The following EYA1 variants were observed in gnomAD, a reference collection of about 807,000 sequenced individuals.
The protein encoded by EYA1 is protein phosphatase EYA1.
EYA1 carries 16 observed loss-of-function variants against 82.0 expected under a neutral mutation model. The observed-to-expected ratio is 0.20, with a 90% CI of 0.13 to 0.30. EYA1 has a LOEUF of 0.30. Among genes scored for constraint, EYA1 ranks in the 10% least tolerant of loss-of-function variants. The pLI, the probability that EYA1 is intolerant of heterozygous loss-of-function variation, is 1.00. For missense variants in EYA1, 633 were observed against 730.7 expected, an observed-to-expected ratio of 0.87 and a Z score of 1.54; for synonymous variants, 261 against 264.4, an observed-to-expected ratio of 0.99 and a Z score of 0.12.
chr8:71,382,165 A>G (rs80113578), intron 2 of EYA1, among the ~76,000 whole-genome samples: 4,449 of 152,310 alleles, frequency 0.029, 202 homozygotes, highest in African/African-American at 0.1. Flanking sequence ...CATAATATTT[A>G]TAAAGGGATC....
chr8:71,452,620 C>T (rs1170412744), intron 2 of EYA1, among the ~76,000 whole-genome samples: 3 of 152,200 alleles, frequency 2.0e-5, no homozygotes, highest in Admixed American at 6.5e-5. Context: ...GCAATATTCG[C>T]TGTTCTGCAG....
chr8:71,383,094 A>AT (rs5892276), intron 2 of EYA1, among the ~76,000 whole-genome samples: 99,052 of 149,754 alleles, frequency 0.66, 32,877 homozygotes, highest in East Asian at 0.82. Flanking sequence ...AACAGCACCT[A>AT]TTTTTTTTTT....
intron 9 of EYA1, among the ~76,000 whole-genome samples, chr8:71,288,595 G>T (rs1818650310): frequency 6.6e-6 from 1 of 152,226 alleles, no homozygotes; most frequent in African/African-American, 2.4e-5. Flanking sequence ...TCCTGCTAAG[G>T]TTACGCAAGT....
intron 2 of EYA1, among the ~76,000 whole-genome samples, chr8:71,448,008 GC>G (rs1003272678): frequency 2.6e-5 from 2 of 77,582 alleles, no homozygotes; most frequent in African/African-American, 7.0e-5. Flanking sequence ...CTGTTTAAGA[GC>G]TTTTTTTTTT....
chr8:71,204,047 A>C (rs557079254), intron 17 of EYA1: 86 of 152,312 alleles, frequency 5.6e-4, no homozygotes, highest in African/African-American at 2.0e-3. Flanking sequence ...AAACAGAGCT[A>C]CCCACAAATC....
intron 2 of EYA1, among the ~76,000 whole-genome samples, chr8:71,473,751 G>A (rs936614309): frequency 1.3e-5 from 2 of 152,144 alleles, no homozygotes; most frequent in Non-Finnish European, 2.9e-5. Context: ...ACATGCACAC[G>A]TATGTTTATT....
At chr8:71,507,643 C>T (rs1019573094) in intron 2 of EYA1, among the ~76,000 whole-genome samples, 1 of 152,208 alleles carries the variant, frequency 6.6e-6, no homozygotes, top group Non-Finnish European at 1.5e-5. Context: ...ATCATAATGT[C>T]ACAGCCATTC....
intron 11 of EYA1, among the ~76,000 whole-genome samples, chr8:71,264,717 T>C (rs539893863): frequency 2.6e-4 from 39 of 152,136 alleles, no homozygotes; most frequent in African/African-American, 9.4e-4. Context: ...CAGCTAGGAC[T>C]ACACGCATGT....
intron 2 of EYA1, among the ~76,000 whole-genome samples, chr8:71,409,573 C>T (rs1161586135): frequency 5.9e-5 from 1 of 16,810 alleles, no homozygotes. Context: ...ATACAAACTA[C>T]CATCAGAGAA....
At position 71,356,526 on chromosome 8, in the gene EYA1, A is replaced by G; in HGVS notation, c.-54-15T>C. 6.4e-7 allele frequency: 1 copy of G among 1,560,988 alleles called. No homozygotes were observed. The highest frequency in any genetic ancestry group is 8.7e-7 in the Non-Finnish European group (1 of 1,151,994). ...GATGTTTGCACCTGTGATCAGGGGT[A>G]AAAAAATTAGAAGATGTTGTTACTC... On this transcript the variant is annotated splice_polypyrimidine_tract_variant and intron_variant, in intron 1 of 17. Transcript: ENST00000340726.
chr8:71,533,845 C>T (rs1814489824), intron 2 of EYA1, among the ~76,000 whole-genome samples: 1 of 152,164 alleles, frequency 6.6e-6, no homozygotes, highest in African/African-American at 2.4e-5. Context: ...GAGAAATACC[C>T]CTTCCTTGTT....
At chr8:71,544,323 G>A (rs1815380172) in intron 1 of EYA1, among the ~76,000 whole-genome samples, 1 of 152,124 alleles carries the variant, frequency 6.6e-6, no homozygotes, top group South Asian at 2.1e-4. Flanking sequence ...TTCTATCTAG[G>A]GCAGGAATCA....
At chr8:71,233,139 T>C (rs879523019) in intron 12 of EYA1, among the ~76,000 whole-genome samples, 2 of 152,188 alleles carry the variant, frequency 1.3e-5, no homozygotes, top group African/African-American at 2.4e-5. Context: ...CATGATTACA[T>C]TCAGCATTTT....
At chr8:71,375,010 G>A (rs1266489658) in intron 2 of EYA1, among the ~76,000 whole-genome samples, 3 of 152,164 alleles carry the variant, frequency 2.0e-5, no homozygotes, top group Non-Finnish European at 4.4e-5. Context: ...ACAGGGAGAT[G>A]TAGGTGAAAA....
rs539815523 is a variant in EYA1, at chr8:71,303,170, T to C, written c.557-3450A>G. 2.0e-3 allele frequency among the ~76,000 whole-genome samples: 291 copies of C among 142,202 alleles called. 23 individuals are homozygous for C. Among genetic ancestry groups the C allele is most frequent in the African/African-American group, 7.0e-3 (281 of 40,322 alleles). The allele number at this position is 142,202 out of a possible 152,430, so 93.3% of individuals were successfully genotyped here. ...ATTCAGCAGAATTTGAAATCCGCTT[T>C]CTCAGAAAAGCCTCCCTGAATCCCC... On this transcript the variant is annotated intron_variant, in intron 7 of 17. Coordinates refer to ENST00000340726, the MANE Select transcript of EYA1 (RefSeq NM_000503.6).
upstream of EYA1, among the ~76,000 whole-genome samples, chr8:71,363,294 T>C (rs1342420555): frequency 6.6e-6 from 1 of 152,152 alleles, no homozygotes; most frequent in East Asian, 1.9e-4. Context: ...ATATTGCTAA[T>C]ATGTAAATGA....
At chr8:71,353,755 T>G (rs900747840) in intron 3 of EYA1, among the ~76,000 whole-genome samples, 1 of 152,218 alleles carries the variant, frequency 6.6e-6, no homozygotes, top group Non-Finnish European at 1.5e-5. Context: ...CTTTGTTTAT[T>G]TTTTTAAAAA....
At chr8:71,390,608 A>G (rs746664916) in intron 2 of EYA1, among the ~76,000 whole-genome samples, 1 of 152,192 alleles carries the variant, frequency 6.6e-6, no homozygotes, top group Non-Finnish European at 1.5e-5. Flanking sequence ...ATAAAAATGA[A>G]TAGGAAAACA....
chr8:71,279,683 A>G (rs942534066), intron 9 of EYA1, among the ~76,000 whole-genome samples: 6 of 152,222 alleles, frequency 3.9e-5, no homozygotes, highest in Admixed American at 3.9e-4. Context: ...GTAAACAAAG[A>G]AATATAATCA....
Sources: allele counts gnomAD v4.1 joint callset (sites outside exome capture counted in the v4.1 genomes callset), GRCh38; gene constraint gnomAD v4.1.1; transcripts MANE v1.5; gene names NCBI Gene and HGNC (gene_info 2026-07-23, HGNC 2026-07-21).